Variants in LOC400499 observed in about 807,000 individuals in gnomAD.
the LOC400499 span, among the ~76,000 whole-genome samples, chr16:11,396,043 G>A: frequency 1.3e-5 from 2 of 152,190 alleles, no homozygotes; most frequent in Non-Finnish European, 2.9e-5. Context: ...TACCAGTAAT[G>A]GCTAATAGCA....
the LOC400499 span, chr16:11,391,903 G>A: frequency 2.8e-6 from 3 of 1,067,490 alleles, no homozygotes; most frequent in Admixed American, 4.3e-5. Flanking sequence ...GAGGTCCAGG[G>A]CAGAGAGAGC....
At chr16:11,429,309 G>A in the LOC400499 span, among the ~76,000 whole-genome samples, 1 of 152,100 alleles carries the variant, frequency 6.6e-6, no homozygotes, top group Non-Finnish European at 1.5e-5. Context: ...GTGACGTGCT[G>A]GCAGAGGAGA....
At chr16:11,402,151 G>A in the LOC400499 span, 1 of 399,138 alleles carries the variant, frequency 2.5e-6, no homozygotes, top group Admixed American at 4.4e-5. Flanking sequence ...GCGGGTGGGT[G>A]AGCTCCACTG....
the LOC400499 span, chr16:11,385,359 T>C: frequency 8.1e-7 from 1 of 1,232,154 alleles, no homozygotes; most frequent in Non-Finnish European, 1.0e-6. Flanking sequence ...GGTGCTGAGG[T>C]CCCATACCCG....
chr16:11,377,109 A>G, the LOC400499 span, among the ~76,000 whole-genome samples: 1 of 152,066 alleles, frequency 6.6e-6, no homozygotes, highest in African/African-American at 2.4e-5. Flanking sequence ...GTGCACAACC[A>G]TGCCCGGCAG....
the LOC400499 span, chr16:11,459,876 G>T: frequency 7.4e-7 from 1 of 1,349,188 alleles, no homozygotes; most frequent in Non-Finnish European, 9.6e-7. Flanking sequence ...GCACGGCTCT[G>T]CCGCAGTGGC....
At chr16:11,469,051 G>A in the LOC400499 span, 1 of 397,612 alleles carries the variant, frequency 2.5e-6, no homozygotes, top group Non-Finnish European at 4.4e-6. Context: ...CTTGTTAACT[G>A]GCAGGTAGAA....
At chr16:11,373,419 T>C in the LOC400499 span, among the ~76,000 whole-genome samples, 11 of 152,086 alleles carry the variant, frequency 7.2e-5, no homozygotes, top group African/African-American at 2.7e-4. Flanking sequence ...CGGCAACCTC[T>C]GCCTCCTGGG....
the LOC400499 span, chr16:11,471,420 T>TC: frequency 2.7e-5 from 10 of 374,526 alleles, no homozygotes; most frequent in African/African-American, 1.5e-4. Context: ...AAGGCAGGCT[T>TC]CCCTGAGGAA....
the LOC400499 span, among the ~76,000 whole-genome samples, chr16:11,386,398 C>T: frequency 6.6e-6 from 1 of 152,262 alleles, no homozygotes; most frequent in Non-Finnish European, 1.5e-5. Flanking sequence ...AGCCCACGGT[C>T]ACACACATGG....
the LOC400499 span, among the ~76,000 whole-genome samples, chr16:11,449,512 G>A: frequency 5.4e-4 from 82 of 152,288 alleles, 1 homozygote; most frequent in African/African-American, 1.5e-3. Context: ...CATCTGGCTC[G>A]TTTCAGAGCT....
chr16:11,434,537 G>C, the LOC400499 span, among the ~76,000 whole-genome samples: 3 of 152,182 alleles, frequency 2.0e-5, no homozygotes, highest in Non-Finnish European at 2.9e-5. Context: ...CACCCAGTTA[G>C]TGTCCACCAG....
chr16:11,480,700 G>A, the LOC400499 span, among the ~76,000 whole-genome samples: 2 of 152,156 alleles, frequency 1.3e-5, no homozygotes, highest in East Asian at 3.8e-4. Flanking sequence ...CGCCCGACAG[G>A]TATAAATACA....
At chr16:11,482,072 G>A in the LOC400499 span, among the ~76,000 whole-genome samples, 1 of 152,354 alleles carries the variant, frequency 6.6e-6, no homozygotes, top group Middle Eastern at 3.4e-3. Flanking sequence ...CCAAATAGGA[G>A]TAATGAAGAC....
the LOC400499 span, among the ~76,000 whole-genome samples, chr16:11,409,477 G>A: frequency 2.0e-5 from 3 of 152,128 alleles, no homozygotes; most frequent in Non-Finnish European, 2.9e-5. Context: ...CTGAGTAGTT[G>A]TAACAGGGAC....
At chr16:11,448,918 C>A in the LOC400499 span, 1 of 1,469,016 alleles carries the variant, frequency 6.8e-7, no homozygotes, top group East Asian at 2.5e-5. Context: ...TGGGTTCTTA[C>A]CCACTCCAGG....
At chr16:11,443,330 CAAAAAAAAAAA>C in the LOC400499 span, 473 of 260,132 alleles carry the variant, frequency 1.8e-3, no homozygotes, top group Middle Eastern at 4.0e-3. Flanking sequence ...TCCTCAGTCT[CAAAAAAAAAAA>C]AAAAAAAAAA....
At chr16:11,395,190 G>A in the LOC400499 span, among the ~76,000 whole-genome samples, 8 of 152,208 alleles carry the variant, frequency 5.3e-5, no homozygotes, top group African/African-American at 1.9e-4. Flanking sequence ...CAAGGGCCAT[G>A]CCTGCCTCTG....
At chr16:11,521,552 T>C in the LOC400499 span, among the ~76,000 whole-genome samples, 14 of 152,132 alleles carry the variant, frequency 9.2e-5, no homozygotes, top group African/African-American at 3.4e-4. Flanking sequence ...TTGCTGGGAA[T>C]AGACTTCCAC....
Sources: allele counts gnomAD v4.1 joint callset (sites outside exome capture counted in the v4.1 genomes callset), GRCh38; gene constraint gnomAD v4.1.1; transcripts MANE v1.5.